The following CCSER2 variants were observed in gnomAD, a reference collection of about 807,000 sequenced individuals.
CCSER2 encodes serine-rich coiled-coil domain-containing protein 2.
Under a neutral mutation model 92.3 loss-of-function variants are expected in CCSER2, and 46 were observed. The observed-to-expected ratio is 0.50, with a 90% CI of 0.39 to 0.64. CCSER2 has a LOEUF of 0.64. Ranked by LOEUF, CCSER2 falls within the 30% of genes least tolerant of loss-of-function variation. CCSER2 has a pLI of 0.00. For synonymous variants in CCSER2, 433 were observed against 431.4 expected (o/e 1.00, Z -0.04); for missense variants, 1,244 against 1,238.9 (o/e 1.00, Z -0.06).
At chr10:84,494,458 C>T (rs779782215) in intron 9 of CCSER2, among the ~76,000 whole-genome samples, 14 of 152,076 alleles carry the variant, frequency 9.2e-5, no homozygotes, top group Admixed American at 1.3e-4. Flanking sequence ...GTGACTCATC[C>T]GGTGACTGAG....
intron 4 of CCSER2, among the ~76,000 whole-genome samples, chr10:84,423,782 T>G (rs1004010139): frequency 6.6e-6 from 1 of 152,136 alleles, no homozygotes; most frequent in African/African-American, 2.4e-5. Flanking sequence ...GGGTCTTAAC[T>G]GAATCTATGA....
chr10:84,362,103 C>CTAG (rs1274458789), intron 1 of CCSER2, among the ~76,000 whole-genome samples: 2 of 152,118 alleles, frequency 1.3e-5, no homozygotes, highest in Non-Finnish European at 2.9e-5. Context: ...AATTTATGGC[C>CTAG]TAGTAGTCTT....
intron 9 of CCSER2, among the ~76,000 whole-genome samples, chr10:84,489,842 G>C (rs1020586652): frequency 1.3e-5 from 2 of 152,148 alleles, no homozygotes; most frequent in African/African-American, 2.4e-5. Context: ...CATCGTTGGT[G>C]TTTACAATTT....
chr10:84,444,807 C>T (rs994600670), intron 6 of CCSER2, among the ~76,000 whole-genome samples: 1 of 152,154 alleles, frequency 6.6e-6, no homozygotes, highest in African/African-American at 2.4e-5. Context: ...GGCCTTTGAT[C>T]TTTTATTTGT....
intron 9 of CCSER2, among the ~76,000 whole-genome samples, chr10:84,501,163 C>T (rs1018542957): frequency 6.6e-6 from 1 of 152,144 alleles, no homozygotes; most frequent in African/African-American, 2.4e-5. Flanking sequence ...ACCTTGGTAA[C>T]TCCTCCTTTT....
At chr10:84,332,430 ATATATATTTTT>A (rs1393619920) in intron 1 of CCSER2, among the ~76,000 whole-genome samples, 2 of 72,968 alleles carry the variant, frequency 2.7e-5, no homozygotes, top group Non-Finnish European at 4.8e-5. Context: ...ATATATATAT[ATATATATTTTT>A]TTTTTTTTTT....
intron 1 of CCSER2, among the ~76,000 whole-genome samples, chr10:84,357,878 G>A (rs1285421497): frequency 6.6e-6 from 1 of 152,220 alleles, no homozygotes; most frequent in Non-Finnish European, 1.5e-5. Flanking sequence ...TGGATGTTCA[G>A]TAAATACTTA....
At chr10:84,484,092 G>A (rs1446661639) in intron 9 of CCSER2, among the ~76,000 whole-genome samples, 2 of 149,278 alleles carry the variant, frequency 1.3e-5, no homozygotes, top group Admixed American at 6.7e-5. Flanking sequence ...CCCTGCCTCA[G>A]CCTCCCAAGT....
chr10:84,402,658 A>G (rs1345394138), intron 3 of CCSER2, among the ~76,000 whole-genome samples: 1 of 152,202 alleles, frequency 6.6e-6, no homozygotes, highest in African/African-American at 2.4e-5. Flanking sequence ...GACATCTTCA[A>G]AAAACCTACA....
intron 6 of CCSER2, among the ~76,000 whole-genome samples, chr10:84,450,127 G>A (rs1845184691): frequency 6.6e-6 from 1 of 152,114 alleles, no homozygotes; most frequent in Non-Finnish European, 1.5e-5. Flanking sequence ...TTCAATACCT[G>A]TGTTTGTTTA....
At chr10:84,457,364 T>TATATATTTTAAATATATATTTA (rs1564685404) in intron 6 of CCSER2, among the ~76,000 whole-genome samples, 4 of 77,724 alleles carry the variant, frequency 5.1e-5, no homozygotes, top group Admixed American at 2.0e-4. Flanking sequence ...TATATATTTA[T>TATATATTTTAAATATATATTTA]TTTAAATATA....
intron 9 of CCSER2, chr10:84,507,162 A>G (rs541110176): frequency 1.5e-4 from 27 of 175,232 alleles, no homozygotes; most frequent in African/African-American, 6.4e-4. Context: ...ATGCCTAGGA[A>G]AACACAACAA....
At chr10:84,488,693 C>T (rs1412178269) in intron 9 of CCSER2, among the ~76,000 whole-genome samples, 3 of 152,092 alleles carry the variant, frequency 2.0e-5, no homozygotes, top group Non-Finnish European at 4.4e-5. Flanking sequence ...AAAACCAGCT[C>T]CTGGATTCAT....
chr10:84,411,296 T>C lies in CCSER2; in HGVS notation c.1615-6475T>C, dbSNP rs544848998. On this transcript the variant is annotated intron_variant, in intron 3 of 9. Coordinates refer to ENST00000372088, the MANE Select transcript of CCSER2 (RefSeq NM_001284240.2). Reference sequence around the variant, plus strand: ...TTGGCTGTTTGGGCTCTTTTTTGGTTCCATATGAATTTTAAAATAGTTTTT... The same window carrying C: ...TTGGCTGTTTGGGCTCTTTTTTGGTCCCATATGAATTTTAAAATAGTTTTT... 3.3e-5 allele frequency among the ~76,000 whole-genome samples: 5 copies of C among 152,268 alleles called. No homozygotes were observed. In the East Asian group the frequency reaches 9.6e-4, roughly 29 times the overall value.
chr10:84,363,849 C>T (rs1301476403), intron 1 of CCSER2, among the ~76,000 whole-genome samples: 1 of 152,112 alleles, frequency 6.6e-6, no homozygotes, highest in African/African-American at 2.4e-5. Flanking sequence ...TGAGAAATGC[C>T]TCCTTAGGCC....
chr10:84,477,785 G>T (rs542275169), intron 9 of CCSER2, 121 bp downstream of exon 9: 5 of 593,182 alleles, frequency 8.4e-6, no homozygotes, highest in East Asian at 3.0e-5. Flanking sequence ...TTTTTTTGTA[G>T]GTAATTTATT....
chr10:84,456,134 A>G lies in CCSER2; in HGVS notation c.2065-7799A>G, dbSNP rs1355026431. 7.4e-5 allele frequency: 24 copies of G among 324,112 alleles called. 1 individual carries two copies. The highest frequency in any genetic ancestry group is 3.1e-4 in the South Asian group (10 of 32,724). The allele number at this position is 324,112 out of a possible 1,614,324, so 20.1% of individuals were successfully genotyped here. The stretch of plus-strand genomic sequence containing the variant: ...CAGGAAACGCCATGCAGAGCCCTCA[A>G]ATCAAACACAGACCCCCACCTGCAT... On this transcript the variant is annotated intron_variant, in intron 6 of 9. Transcript: ENST00000372088.
At chr10:84,359,211 G>C (rs1845365072) in intron 1 of CCSER2, among the ~76,000 whole-genome samples, 1 of 151,898 alleles carries the variant, frequency 6.6e-6, no homozygotes, top group African/African-American at 2.4e-5. Flanking sequence ...AGGCATTACT[G>C]TATCAATAGT....
intron 6 of CCSER2, among the ~76,000 whole-genome samples, chr10:84,463,732 C>CT (rs1240872990): frequency 6.6e-6 from 1 of 152,198 alleles, no homozygotes; most frequent in East Asian, 1.9e-4. Flanking sequence ...CCGTAGCTCC[C>CT]TTTTTTCTTC....
Sources: allele counts gnomAD v4.1 joint callset (sites outside exome capture counted in the v4.1 genomes callset), GRCh38; gene constraint gnomAD v4.1.1; transcripts MANE v1.5; gene names NCBI Gene and HGNC (gene_info 2026-07-23, HGNC 2026-07-21).